The following SLC36A4 variants were observed in gnomAD, a reference collection of about 807,000 sequenced individuals.
The protein encoded by SLC36A4 is neutral amino acid uniporter 4.
Under a neutral mutation model 50.5 loss-of-function variants are expected in SLC36A4, and 49 were observed. The ratio of observed to expected loss-of-function variants is 0.97; its 90% CI spans 0.77 to 1.23. The LOEUF is 1.23. SLC36A4 is among the 50% of genes most tolerant of loss of function. The pLI, the probability that SLC36A4 is intolerant of heterozygous loss-of-function variation, is 0.00. For synonymous variants in SLC36A4, 207 were observed against 206.5 expected, an observed-to-expected ratio of 1.00 and a Z score of -0.02; for missense variants, 611 against 608.4, an observed-to-expected ratio of 1.00 and a Z score of -0.05.
In SLC36A4 at chr11:93,178,202, G is replaced by A. The variant is rs928892739; in HGVS notation, c.540+2595C>T. ...TTGGCGTGGGACCCTCTGAGCCAGC[G>A]CAGGATATAATCTCTTGGTGTGCCA... is the stretch of plus-strand genomic sequence containing the variant. On this transcript the variant is annotated intron_variant, in intron 6 of 10. Transcript: ENST00000326402. 4.6e-5 allele frequency among the ~76,000 whole-genome samples: 7 copies of A among 152,210 alleles called. No individual in the cohort carries two copies. The South Asian group carries it at 1.0e-3, about 23-fold the overall frequency.
chr11:93,194,441 T>G (rs1304649852), intron 1 of SLC36A4, among the ~76,000 whole-genome samples: 1 of 152,142 alleles, frequency 6.6e-6, no homozygotes, highest in East Asian at 1.9e-4. Context: ...GGAAGAAATA[T>G]ACACAGCAAG....
intron 6 of SLC36A4, among the ~76,000 whole-genome samples, chr11:93,176,693 C>A (rs892408569): frequency 1.3e-5 from 2 of 152,062 alleles, no homozygotes; most frequent in African/African-American, 4.8e-5. Context: ...TATTTTATTT[C>A]TCCTTCACTT....
chr11:93,180,791 A>T lies in SLC36A4; in HGVS notation c.540+6T>A, dbSNP rs1337938813. The T allele has an allele frequency of 6.3e-7, 1 of 1,597,034 alleles. No homozygotes were observed. On this transcript the variant is annotated splice_donor_region_variant and intron_variant, in intron 6 of 10. Coordinates refer to ENST00000326402, the MANE Select transcript of SLC36A4 (RefSeq NM_152313.4). ...ATGATTTCACTAACTGGAGAAAAAT[A>T]CTCACTTGTTTCACATTTTCAGCTA...
rs537374807 is a variant in SLC36A4, at chr11:93,162,338, C to T, written c.1037+368G>A. On this transcript the variant is annotated intron_variant, in intron 9 of 10. Transcript: ENST00000326402. ...TTTTTTTTGTTTTGAGACGGAGTTT[C>T]GCTCTTGTCACCCAGGCTGGATTGC... is the stretch of plus-strand genomic sequence containing the variant. Among the ~76,000 whole-genome samples the T allele has an allele frequency of 3.9e-5, 6 of 151,974 alleles. No individual in the cohort carries two copies. In the East Asian group the frequency reaches 5.8e-4, roughly 15 times the overall value.
Position 93,188,332 on chromosome 11 carries a change from G to A in SLC36A4, c.56-2518C>T, listed in dbSNP as rs763731671. ...CATATTCATTCTTAATAAGAGTAAA[G>A]TGATGCCTTAAGATACTGGAAGATG... On this transcript the variant is annotated intron_variant, in intron 1 of 10. Coordinates refer to ENST00000326402, the MANE Select transcript of SLC36A4 (RefSeq NM_152313.4). 4.6e-5 allele frequency among the ~76,000 whole-genome samples: 7 copies of A among 152,328 alleles called. No homozygotes were observed. In the East Asian group the frequency reaches 1.2e-3, roughly 25 times the overall value.
At chr11:93,188,701 C>T (rs929174879) in intron 1 of SLC36A4, among the ~76,000 whole-genome samples, 3 of 152,122 alleles carry the variant, frequency 2.0e-5, no homozygotes, top group East Asian at 1.9e-4. Context: ...TTATTATGTT[C>T]ACCTTCTGTT....
chr11:93,170,350 G>C lies in SLC36A4; in HGVS notation c.541-2179C>G, dbSNP rs572142914. 5.9e-4 allele frequency: 90 copies of C among 152,116 alleles called. 1 individual carries two copies. Among genetic ancestry groups the C allele is most frequent in the African/African-American group, 2.1e-3 (86 of 41,548 alleles). The allele number at this position is 152,116 out of a possible 1,614,324, so 9.4% of individuals were successfully genotyped here. On this transcript the variant is annotated intron_variant, in intron 6 of 10. Coordinates refer to ENST00000326402, the MANE Select transcript of SLC36A4 (RefSeq NM_152313.4). Reference sequence around the variant, plus strand: ...TTTAACAATTAAAATTCCAACAGCAGATTATGTTCGTCAGTAAAGCCAAAT... The same window carrying C: ...TTTAACAATTAAAATTCCAACAGCACATTATGTTCGTCAGTAAAGCCAAAT...
Position 93,180,843 on chromosome 11 carries a change from C to T in SLC36A4, c.494G>A (p.Gly165Glu). ...GAAGACAATATAAACACTACAGAAT[C>T]CCAGCTGTGTTATCACCAGAAAAAA... ...VDFFLVITQLGFCSVYIVFLA... is the reference protein window; with the variant it reads ...VDFFLVITQLEFCSVYIVFLA... The change falls in exon 6 of 11, where the codon GGA becomes GAA. Residue 165 changes from glycine (G) to glutamate (E), a missense_variant. Gly to Glu is a moderately conservative substitution (Grantham distance 98). Coordinates refer to ENST00000326402, the MANE Select transcript of SLC36A4 (RefSeq NM_152313.4). 1 of 1,612,944 alleles carries T rather than the reference C, an allele frequency of 6.2e-7. No homozygotes were observed. The highest frequency in any genetic ancestry group is 2.2e-5 in the East Asian group (1 of 44,752).
At chr11:93,172,898 A>G (rs1861244047) in intron 6 of SLC36A4, among the ~76,000 whole-genome samples, 1 of 150,724 alleles carries the variant, frequency 6.6e-6, no homozygotes, top group Non-Finnish European at 1.5e-5. Flanking sequence ...TAATGCTGCA[A>G]TAAACATATG....
intron 1 of SLC36A4, among the ~76,000 whole-genome samples, chr11:93,191,595 G>T (rs1323795937): frequency 6.6e-6 from 1 of 152,162 alleles, no homozygotes; most frequent in Non-Finnish European, 1.5e-5. Flanking sequence ...ATGAGGTAAA[G>T]AATTAGCATT....
Position 93,197,946 on chromosome 11 carries a change from C to T in SLC36A4, c.-114G>A. 1 of 1,100,670 alleles carries T rather than the reference C, an allele frequency of 9.1e-7. No homozygotes were observed. Among genetic ancestry groups the T allele is most frequent in the Admixed American group, 3.9e-5 (1 of 25,516 alleles). 68.2% of individuals were successfully genotyped at this position (1,100,670 alleles called of 1,614,324 possible). ...CCCGGAGGGACCCGCGCCTGGTGCC[C>T]GCCTCCCTGCCCCGGCGCTCCCCAA... On this transcript the variant is annotated 5_prime_UTR_variant, in exon 1 of 11. Coordinates refer to ENST00000326402, the MANE Select transcript of SLC36A4 (RefSeq NM_152313.4).
intron 10 of SLC36A4, among the ~76,000 whole-genome samples, chr11:93,151,256 A>G (rs1770822013): frequency 6.6e-6 from 1 of 152,036 alleles, no homozygotes; most frequent in Middle Eastern, 3.2e-3. Flanking sequence ...TACAAATACT[A>G]TGTCATTTAC....
At chr11:93,196,140 G>A (rs911653780) in intron 1 of SLC36A4, among the ~76,000 whole-genome samples, 9 of 152,096 alleles carry the variant, frequency 5.9e-5, no homozygotes, top group Non-Finnish European at 1.2e-4. Context: ...GAAATAATTT[G>A]AAACTTTTTT....
chr11:93,175,359 T>C (rs1317049194), intron 6 of SLC36A4, among the ~76,000 whole-genome samples: 9 of 150,792 alleles, frequency 6.0e-5, no homozygotes, highest in African/African-American at 2.2e-4. Context: ...TTAGTCTTGC[T>C]AGCGGTCTAT....
At chr11:93,169,666 C>A (rs1004033458) in intron 6 of SLC36A4, among the ~76,000 whole-genome samples, 3 of 152,098 alleles carry the variant, frequency 2.0e-5, no homozygotes, top group African/African-American at 7.2e-5. Context: ...ACTGGACTAA[C>A]AGACTCTCAA....
At position 93,167,932 on chromosome 11, in the gene SLC36A4, T is replaced by C. The variant is rs770075806; in HGVS notation, c.768+12A>G. 4.0e-5 allele frequency: 62 copies of C among 1,563,546 alleles called. No homozygotes were observed. Among genetic ancestry groups the C allele is most frequent in the Non-Finnish European group, 5.1e-5 (59 of 1,157,654 alleles). ...AAAGATAAGAACTTAGTTAAAAACTTTTTATACTTACCCTGACAACATACT... is the reference window on the plus strand; with the variant it reads ...AAAGATAAGAACTTAGTTAAAAACTCTTTATACTTACCCTGACAACATACT... On this transcript the variant is annotated intron_variant, in intron 7 of 10. Transcript: ENST00000326402.
chr11:93,197,577 C>G lies in SLC36A4; in HGVS notation c.55+201G>C, dbSNP rs1565245369. On this transcript the variant is annotated intron_variant, in intron 1 of 10. Coordinates refer to ENST00000326402, the MANE Select transcript of SLC36A4 (RefSeq NM_152313.4). ...ACACACACACACATATTTTAACGCC[C>G]TATTCAGGCCTGGGCTTCGTCTGAC... 9 of 591,030 alleles carry G rather than the reference C, an allele frequency of 1.5e-5. No homozygotes were observed. In the South Asian group the frequency reaches 1.8e-4, roughly 12 times the overall value. 36.6% of individuals were successfully genotyped at this position (591,030 alleles called of 1,614,324 possible). A position where few individuals can be genotyped will look rare whatever the true frequency, so the allele number is the denominator to read the frequency against.
chr11:93,166,132 A>G (rs931251703), intron 7 of SLC36A4, 116 bp from the exon 8 acceptor site: 1 of 1,254,624 alleles, frequency 8.0e-7, no homozygotes, highest in East Asian at 2.6e-5. Flanking sequence ...GTGTTATAAA[A>G]TTGAATAATT....
intron 8 of SLC36A4, among the ~76,000 whole-genome samples, chr11:93,163,707 CT>C (rs1208006631): frequency 2.6e-5 from 4 of 152,122 alleles, no homozygotes; most frequent in Non-Finnish European, 2.9e-5. Context: ...CTAAATCCAG[CT>C]CCTTCTCTGG....
Sources: allele counts gnomAD v4.1 joint callset (sites outside exome capture counted in the v4.1 genomes callset), GRCh38; gene constraint gnomAD v4.1.1; transcripts MANE v1.5; gene names NCBI Gene and HGNC (gene_info 2026-07-23, HGNC 2026-07-21).